The following PTCHD4 variants were observed in gnomAD, a reference collection of about 807,000 sequenced individuals.
The protein encoded by PTCHD4 is patched domain-containing protein 4.
A neutral mutation model predicts 58.1 loss-of-function variants in PTCHD4; 33 were observed. The observed-to-expected ratio is 0.57, with a 90% CI of 0.43 to 0.76. PTCHD4 has a LOEUF of 0.76. Ranked by LOEUF, PTCHD4 falls within the 30% of genes least tolerant of loss-of-function variation. The probability of loss-of-function intolerance (pLI) is 0.00; values close to 1 mark genes in which losing one functional copy is unlikely to be tolerated. For missense variants in PTCHD4, 1,058 were observed against 1,027.1 expected (o/e 1.03, Z -0.41); for synonymous variants, 478 against 409.6 (o/e 1.17, Z -2.02).
In PTCHD4 at chr6:48,066,589, T is replaced by C. The variant is rs963031816; in HGVS notation, c.417+1641A>G. ...TTTCTTTAGCAAGCAATAATGTTGA[T>C]GGCAAAGGATTCGGGGAAATGAAAA... On this transcript the variant is annotated intron_variant, in intron 3 of 4. Transcript: ENST00000339488. 3.3e-5 allele frequency among the ~76,000 whole-genome samples: 5 copies of C among 152,222 alleles called. 1 individual carries two copies. The highest frequency in any genetic ancestry group is 4.4e-5 in the Non-Finnish European group (3 of 68,030).
chr6:48,057,436 G>A (rs1046547048), intron 3 of PTCHD4, among the ~76,000 whole-genome samples: 1 of 152,100 alleles, frequency 6.6e-6, no homozygotes, highest in Non-Finnish European at 1.5e-5. Flanking sequence ...AAAGCTAAAT[G>A]CCCTATTAGT....
intron 3 of PTCHD4, among the ~76,000 whole-genome samples, chr6:48,039,238 C>T (rs982420300): frequency 2.0e-5 from 3 of 152,018 alleles, no homozygotes; most frequent in African/African-American, 7.2e-5. Context: ...TAAGGCTAAG[C>T]AAATCAATAT....
chr6:47,955,216 G>A (rs917499153), intron 4 of PTCHD4, among the ~76,000 whole-genome samples: 1 of 152,166 alleles, frequency 6.6e-6, no homozygotes, highest in African/African-American at 2.4e-5. Context: ...AGAAAAATTA[G>A]TATAAGGCAT....
rs1410620799 is a variant in PTCHD4 at position 47,859,703 on chromosome 6, C to T, written c.*18600G>A. On this transcript the variant is annotated 3_prime_UTR_variant, in exon 5 of 5. Transcript: ENST00000339488. ...GGACAGACAGACAATAAACAAATCC[C>T]ATGACAAATATGAAAGAAGGGAGGA... Among the ~76,000 whole-genome samples, 1 of 151,972 alleles carries T rather than the reference C, an allele frequency of 6.6e-6. No individual in the cohort carries two copies. The highest frequency in any genetic ancestry group is 2.4e-5 in the African/African-American group (1 of 41,396).
chr6:48,053,789 A>G (rs1377093468), intron 3 of PTCHD4, among the ~76,000 whole-genome samples: 1 of 152,136 alleles, frequency 6.6e-6, no homozygotes, highest in African/African-American at 2.4e-5. Context: ...TTAGGGAAGT[A>G]CAGGAAAGGA....
intron 4 of PTCHD4, among the ~76,000 whole-genome samples, chr6:47,938,735 G>T (rs1449300662): frequency 2.0e-5 from 3 of 152,220 alleles, no homozygotes; most frequent in Admixed American, 6.5e-5. Context: ...AAGTACAGTT[G>T]CTGGCAGGCA....
intron 3 of PTCHD4, among the ~76,000 whole-genome samples, chr6:48,031,723 CA>C: frequency 6.6e-6 from 1 of 152,160 alleles, no homozygotes; most frequent in Middle Eastern, 3.4e-3. Flanking sequence ...CCCAAAAATA[CA>C]TTAAACAAGG....
intron 4 of PTCHD4, among the ~76,000 whole-genome samples, chr6:47,933,858 A>G (rs1019689056): frequency 6.6e-6 from 1 of 152,146 alleles, no homozygotes; most frequent in African/African-American, 2.4e-5. Context: ...ACTGCTAGCC[A>G]TTTATTTTGA....
intron 4 of PTCHD4, among the ~76,000 whole-genome samples, chr6:47,919,465 C>T (rs1413976679): frequency 1.3e-5 from 2 of 152,174 alleles, no homozygotes; most frequent in Non-Finnish European, 2.9e-5. Context: ...TATGGACAGC[C>T]TCTCTGAGGA....
chr6:48,038,799 G>A (rs1763738847), intron 3 of PTCHD4, among the ~76,000 whole-genome samples: 1 of 152,086 alleles, frequency 6.6e-6, no homozygotes, highest in South Asian at 2.1e-4. Flanking sequence ...GGTGTGAGCT[G>A]TGGTTTCTAT....
At position 48,097,086 on chromosome 6, in the gene PTCHD4, G is replaced by A. The variant is rs567878417; in HGVS notation, c.-970+13963C>T. Reference sequence around the variant, plus strand: ...CTTAATTTAAACATTTAATATTAACGTATTACCATAGATCAAAAACTCTTT... The same window carrying A: ...CTTAATTTAAACATTTAATATTAACATATTACCATAGATCAAAAACTCTTT... On this transcript the variant is annotated intron_variant, in intron 1 of 4. Transcript: ENST00000339488. 1.8e-4 allele frequency among the ~76,000 whole-genome samples: 28 copies of A among 151,942 alleles called. No individual in the cohort carries two copies. The South Asian group carries it at 4.4e-3, about 24-fold the overall frequency.
chr6:47,909,921 CT>C (rs1201004059), intron 4 of PTCHD4, among the ~76,000 whole-genome samples: 3 of 152,126 alleles, frequency 2.0e-5, no homozygotes, highest in Non-Finnish European at 4.4e-5. Context: ...TAAAGTTTAT[CT>C]CTCCAATGTT....
At chr6:48,046,707 C>T (rs1764047767) in intron 3 of PTCHD4, among the ~76,000 whole-genome samples, 1 of 151,704 alleles carries the variant, frequency 6.6e-6, no homozygotes, top group Non-Finnish European at 1.5e-5. Flanking sequence ...TCTTGTCCTG[C>T]AGTATAACAT....
At position 47,870,860 on chromosome 6, in the gene PTCHD4, T is replaced by A. The variant is rs1763697298; in HGVS notation, c.*7443A>T. ...AAACCTAAAATGGCTTTGTTTGTAC[T>A]ATTTTGGGAGTGATAAATGAGGCTG... On this transcript the variant is annotated 3_prime_UTR_variant, in exon 5 of 5. Coordinates refer to ENST00000339488, the MANE Select transcript of PTCHD4 (RefSeq NM_001384253.1). Among the ~76,000 whole-genome samples the A allele has an allele frequency of 6.6e-6, 1 of 151,620 alleles. No homozygotes were observed. The highest frequency in any genetic ancestry group is 2.1e-4 in the South Asian group (1 of 4,828).
At chr6:47,935,321 T>C (rs964983105) in intron 4 of PTCHD4, among the ~76,000 whole-genome samples, 3 of 152,202 alleles carry the variant, frequency 2.0e-5, no homozygotes, top group Non-Finnish European at 4.4e-5. Flanking sequence ...GGTGTGTTCT[T>C]ATGGTAGTCT....
intron 1 of PTCHD4, among the ~76,000 whole-genome samples, chr6:48,107,454 A>T (rs1374121759): frequency 6.6e-6 from 1 of 152,218 alleles, no homozygotes; most frequent in African/African-American, 2.4e-5. Context: ...TTAATTCAAG[A>T]TGTATTAAAG....
chr6:48,040,609 G>A (rs1244172862), intron 3 of PTCHD4, among the ~76,000 whole-genome samples: 1 of 152,068 alleles, frequency 6.6e-6, no homozygotes, highest in South Asian at 2.1e-4. Context: ...CAACTTTAGA[G>A]CATGGTAGAG....
intron 3 of PTCHD4, among the ~76,000 whole-genome samples, chr6:48,037,191 G>A (rs550273059): frequency 6.6e-6 from 1 of 152,148 alleles, no homozygotes; most frequent in Admixed American, 6.6e-5. Context: ...TTGAGAGAGA[G>A]AGAGCATATT....
chr6:48,104,764 A>C (rs1765683619), intron 1 of PTCHD4, among the ~76,000 whole-genome samples: 1 of 152,204 alleles, frequency 6.6e-6, no homozygotes, highest in Non-Finnish European at 1.5e-5. Flanking sequence ...AAGATCTACC[A>C]AGCAAACGGA....
Sources: gnomAD v4.1 joint callset for allele counts (sites outside exome capture counted in the v4.1 genomes callset) on GRCh38, gnomAD v4.1.1 for gene constraint, MANE v1.5 for transcripts, NCBI Gene and HGNC (gene_info 2026-07-23, HGNC 2026-07-21) for gene names.